The following PTCHD4 variants were observed in gnomAD, a reference collection of about 807,000 sequenced individuals.
The protein encoded by PTCHD4 is patched domain-containing protein 4.
PTCHD4 carries 33 observed loss-of-function variants against 58.1 expected under a neutral mutation model. The ratio of observed to expected loss-of-function variants is 0.57; its 90% CI spans 0.43 to 0.76. PTCHD4 has a LOEUF of 0.76. Ranked by LOEUF, PTCHD4 falls within the 30% of genes least tolerant of loss-of-function variation. The pLI, the probability that PTCHD4 is intolerant of heterozygous loss-of-function variation, is 0.00. For synonymous variants in PTCHD4, 478 were observed against 409.6 expected (o/e 1.17, Z -2.02); for missense variants, 1,058 against 1,027.1 (o/e 1.03, Z -0.41).
intron 4 of PTCHD4, among the ~76,000 whole-genome samples, chr6:47,893,258 C>T (rs534200348): frequency 6.6e-6 from 1 of 152,302 alleles, no homozygotes; most frequent in Non-Finnish European, 1.5e-5. Context: ...ATCTGTCCAC[C>T]TCAGCCTCCC....
intron 4 of PTCHD4, among the ~76,000 whole-genome samples, chr6:47,961,841 G>T (rs573485084): frequency 6.6e-6 from 1 of 152,202 alleles, no homozygotes; most frequent in East Asian, 1.9e-4. Flanking sequence ...AGACATCTCA[G>T]TTTCCACTTT....
chr6:47,958,466 G>A (rs891176597), intron 4 of PTCHD4, among the ~76,000 whole-genome samples: 1 of 152,196 alleles, frequency 6.6e-6, no homozygotes, highest in Non-Finnish European at 1.5e-5. Flanking sequence ...GGAAACAAAT[G>A]ACGTGAACCC....
At position 47,938,118 on chromosome 6, in the gene PTCHD4, A is replaced by C. The variant is rs184731335; in HGVS notation, c.899-58182T>G. Reference sequence around the variant, plus strand: ...CAGTGAGCTGAGATTGCACCACTGCACTCCAGCCTGGGCGACAGAGAGAGA... The same window carrying C: ...CAGTGAGCTGAGATTGCACCACTGCCCTCCAGCCTGGGCGACAGAGAGAGA... On this transcript the variant is annotated intron_variant, in intron 4 of 4. Coordinates refer to ENST00000339488, the MANE Select transcript of PTCHD4 (RefSeq NM_001384253.1). 2.4e-4 allele frequency among the ~76,000 whole-genome samples: 37 copies of C among 152,286 alleles called. No homozygotes were observed. The East Asian group carries it at 6.2e-3, about 25-fold the overall frequency.
At chr6:47,990,844 A>C (rs1369371467) in intron 4 of PTCHD4, among the ~76,000 whole-genome samples, 1 of 152,168 alleles carries the variant, frequency 6.6e-6, no homozygotes, top group Non-Finnish European at 1.5e-5. Flanking sequence ...TAGAAATAAA[A>C]ATCCATTAAT....
rs1424659091 is a variant in PTCHD4, at chr6:47,867,420, G to A, written c.*10883C>T. On this transcript the variant is annotated 3_prime_UTR_variant, in exon 5 of 5. Coordinates refer to ENST00000339488, the MANE Select transcript of PTCHD4 (RefSeq NM_001384253.1). The stretch of plus-strand genomic sequence containing the variant: ...GTTAAAATTCAAAAATAGAGACTGT[G>A]TATTTACATTTTGTAAACCATTCAC... 6.6e-6 allele frequency among the ~76,000 whole-genome samples: 1 copy of A among 151,736 alleles called. No individual in the cohort carries two copies. Among genetic ancestry groups the A allele is most frequent in the Non-Finnish European group, 1.5e-5 (1 of 67,838 alleles).
At chr6:48,048,592 G>A (rs1156669670) in intron 3 of PTCHD4, among the ~76,000 whole-genome samples, 2 of 151,846 alleles carry the variant, frequency 1.3e-5, no homozygotes, top group Non-Finnish European at 2.9e-5. Flanking sequence ...GATTTAGTAG[G>A]CCTTTTCCCT....
At chr6:47,990,625 G>A (rs1445843072) in intron 4 of PTCHD4, among the ~76,000 whole-genome samples, 1 of 152,134 alleles carries the variant, frequency 6.6e-6, no homozygotes, top group Non-Finnish European at 1.5e-5. Context: ...CTCCCACCAT[G>A]ATTCTGAGGC....
rs758480607 is a variant in PTCHD4, at chr6:47,857,063, T to A, written c.*21240A>T. Among the ~76,000 whole-genome samples, 2 of 151,986 alleles carry A rather than the reference T, an allele frequency of 1.3e-5. No individual in the cohort carries two copies. The highest frequency in any genetic ancestry group is 2.9e-5 in the Non-Finnish European group (2 of 67,956). ...TTCTGGACCCAGCCCAAATAATCTT[T>A]TAGAGAAAATTTAGACACAAGAAAT... On this transcript the variant is annotated 3_prime_UTR_variant, in exon 5 of 5. Coordinates refer to ENST00000339488, the MANE Select transcript of PTCHD4 (RefSeq NM_001384253.1).
At chr6:47,973,850 A>G (rs1368970013) in intron 4 of PTCHD4, among the ~76,000 whole-genome samples, 2 of 152,216 alleles carry the variant, frequency 1.3e-5, no homozygotes, top group Admixed American at 1.3e-4. Flanking sequence ...CACTGCTTGA[A>G]ATCCTACCAT....
chr6:47,860,218 A>T lies in PTCHD4; in HGVS notation c.*18085T>A, dbSNP rs564509455. Among the ~76,000 whole-genome samples the T allele has an allele frequency of 6.6e-6, 1 of 152,124 alleles. No individual in the cohort carries two copies. The highest frequency in any genetic ancestry group is 2.4e-5 in the African/African-American group (1 of 41,548). On this transcript the variant is annotated 3_prime_UTR_variant, in exon 5 of 5. Coordinates refer to ENST00000339488, the MANE Select transcript of PTCHD4 (RefSeq NM_001384253.1). ...ACTATTTCTTCTGTCAGCATCTTTAAAGAGATTGCAAGCAATTTAAAGGTA... is the reference window on the plus strand; with the variant it reads ...ACTATTTCTTCTGTCAGCATCTTTATAGAGATTGCAAGCAATTTAAAGGTA...
intron 4 of PTCHD4, among the ~76,000 whole-genome samples, chr6:47,986,927 G>A (rs143950493): frequency 2.0e-5 from 3 of 152,200 alleles, no homozygotes; most frequent in South Asian, 2.1e-4. Flanking sequence ...GTGTTGCAGC[G>A]TCATACTCTG....
At chr6:47,943,314 A>T (rs1766302080) in intron 4 of PTCHD4, among the ~76,000 whole-genome samples, 1 of 152,114 alleles carries the variant, frequency 6.6e-6, no homozygotes, top group South Asian at 2.1e-4. Flanking sequence ...AAAACTTAAG[A>T]TTATTTTATA....
intron 4 of PTCHD4, among the ~76,000 whole-genome samples, chr6:47,980,119 C>T (rs1021461604): frequency 3.9e-5 from 6 of 151,936 alleles, no homozygotes; most frequent in Non-Finnish European, 5.9e-5. Context: ...AAAAGTATTT[C>T]CCTGCAATAA....
chr6:48,079,712 A>G (rs1244448098), intron 1 of PTCHD4, among the ~76,000 whole-genome samples: 1 of 151,576 alleles, frequency 6.6e-6, no homozygotes, highest in Admixed American at 6.6e-5. Context: ...AGTCTATTTT[A>G]TTATTTCTTT....
chr6:47,983,235 G>A (rs1014978068), intron 4 of PTCHD4, among the ~76,000 whole-genome samples: 2 of 152,036 alleles, frequency 1.3e-5, no homozygotes, highest in Non-Finnish European at 2.9e-5. Context: ...GTATATGAGG[G>A]ATTTTTGTTG....
chr6:48,071,362 T>C (rs1219441164), intron 1 of PTCHD4, among the ~76,000 whole-genome samples: 1 of 152,180 alleles, frequency 6.6e-6, no homozygotes, highest in Admixed American at 6.5e-5. Flanking sequence ...TATAATGGCA[T>C]GGAAATACAT....
Position 48,069,147 on chromosome 6 carries a change from G to A in PTCHD4, c.-190C>T, listed in dbSNP as rs1010420186. 1.4e-5 allele frequency among the ~76,000 whole-genome samples: 2 copies of A among 139,302 alleles called. No individual in the cohort carries two copies. The highest frequency in any genetic ancestry group is 4.5e-4 in the East Asian group (2 of 4,472). 91.4% of individuals were successfully genotyped at this position (139,302 alleles called of 152,430 possible). A position where few individuals can be genotyped will look rare whatever the true frequency, so the allele number is the denominator to read the frequency against. On this transcript the variant is annotated 5_prime_UTR_variant, in exon 2 of 5. Transcript: ENST00000339488. ...CAGACATGTGCCCCATAAAGGGGGG[G>A]GGGGCTGAGGGGGGGAGAGGAGGGA...
At chr6:47,920,905 T>C (rs1421281528) in intron 4 of PTCHD4, among the ~76,000 whole-genome samples, 1 of 152,154 alleles carries the variant, frequency 6.6e-6, no homozygotes, top group Non-Finnish European at 1.5e-5. Flanking sequence ...CTGCCTATTA[T>C]TGCTGAGATT....
intron 3 of PTCHD4, among the ~76,000 whole-genome samples, chr6:48,049,961 T>C (rs995363328): frequency 1.3e-5 from 2 of 151,968 alleles, no homozygotes; most frequent in African/African-American, 4.8e-5. Context: ...ACATCAAATA[T>C]GTTTCTGTTT....
Sources: allele counts gnomAD v4.1 joint callset (sites outside exome capture counted in the v4.1 genomes callset), GRCh38; gene constraint gnomAD v4.1.1; transcripts MANE v1.5; gene names NCBI Gene and HGNC (gene_info 2026-07-23, HGNC 2026-07-21).